GPC3: variants seen among roughly 807,000 people sequenced by gnomAD.
GPC3 encodes the protein glypican 3.
GPC3 carries 3 observed loss-of-function variants against 34.4 expected under a neutral mutation model. That is an observed-to-expected ratio of 0.09 (90% confidence interval 0.04 to 0.23). GPC3 has a LOEUF of 0.23. GPC3 is among the 10% of genes least tolerant of loss of function. The probability of loss-of-function intolerance (pLI) is 1.00; values close to 1 mark genes in which losing one functional copy is unlikely to be tolerated. For missense variants in GPC3, 351 were observed against 445.6 expected (o/e 0.79, Z 1.91); for synonymous variants, 177 against 174.0 (o/e 1.02, Z -0.13).
At chrX:133,555,711 C>T (rs910975247) in intron 7 of GPC3, among the ~76,000 whole-genome samples, 4 of 110,404 alleles carry the variant, frequency 3.6e-5, no homozygotes, top group Non-Finnish European at 7.6e-5. Flanking sequence ...ACCTGTAGTC[C>T]TAGCTACTTG....
intron 7 of GPC3, 177 bp downstream of exon 7, chrX:133,596,260 AAAG>A (rs1181748657): frequency 2.1e-6 from 1 of 467,453 alleles, no homozygotes; most frequent in Admixed American, 3.7e-5. Flanking sequence ...GGTGGGAGGA[AAAG>A]AAGGAGGCTA....
intron 6 of GPC3, among the ~76,000 whole-genome samples, chrX:133,640,763 G>A (rs1215579636): frequency 8.9e-6 from 1 of 112,093 alleles, no homozygotes; most frequent in Non-Finnish European, 1.9e-5. Context: ...TTCACACGTA[G>A]AACTATTTCA....
chrX:133,645,825 G>C, intron 6 of GPC3, among the ~76,000 whole-genome samples: 2 of 110,619 alleles, frequency 1.8e-5, no homozygotes, highest in Middle Eastern at 4.6e-3. Context: ...CTTAAATTAT[G>C]TGGAAGATGA....
rs190282664 is a variant in GPC3, at chrX:133,882,124, C to T, written c.337+70926G>A. The stretch of plus-strand genomic sequence containing the variant: ...ACTCTGGGCTCCTTTAGTCGGAGGA[C>T]CAAGGCTTCAAATGAGGGTCTTCCC... On this transcript the variant is annotated intron_variant, in intron 2 of 7. Transcript: ENST00000370818. 2.7e-5 allele frequency among the ~76,000 whole-genome samples: 3 copies of T among 111,765 alleles called. No individual in the cohort carries two copies. The East Asian group carries it at 8.5e-4, about 32-fold the overall frequency.
chrX:133,819,817 T>A (rs2075710459), intron 2 of GPC3, among the ~76,000 whole-genome samples: 1 of 111,889 alleles, frequency 8.9e-6, no homozygotes, highest in African/African-American at 3.3e-5. Flanking sequence ...GAGTTTGTTA[T>A]CTCCATTTTA....
chrX:133,829,979 C>T (rs752399635), intron 2 of GPC3, among the ~76,000 whole-genome samples: 5 of 112,246 alleles, frequency 4.5e-5, no homozygotes, highest in Admixed American at 9.4e-5. Context: ...AACACAATTC[C>T]TATCAAAATC....
intron 2 of GPC3, among the ~76,000 whole-genome samples, chrX:133,794,111 T>TCTTTAAAGCA (rs1266112667): frequency 1.8e-5 from 2 of 112,306 alleles, no homozygotes; most frequent in Non-Finnish European, 3.8e-5. Flanking sequence ...TTAAAGCACT[T>TCTTTAAAGCA]CTTTTTCCTT....
At chrX:133,736,434 T>C (rs1293403343) in intron 3 of GPC3, among the ~76,000 whole-genome samples, 4 of 112,149 alleles carry the variant, frequency 3.6e-5, no homozygotes, top group Non-Finnish European at 5.6e-5. Flanking sequence ...CAAATGTTCA[T>C]AGCAACACTA....
At chrX:133,849,160 C>T (rs1286988339) in intron 2 of GPC3, among the ~76,000 whole-genome samples, 19 of 95,211 alleles carry the variant, frequency 2.0e-4, no homozygotes, top group Non-Finnish European at 4.1e-5. Flanking sequence ...AGTGGCGCTA[C>T]CTCGGCTTAC....
At chrX:133,798,074 G>C (rs1409625746) in intron 2 of GPC3, among the ~76,000 whole-genome samples, 1 of 111,644 alleles carries the variant, frequency 9.0e-6, no homozygotes, top group African/African-American at 3.3e-5. Flanking sequence ...TAACACAAGT[G>C]AAAAAAGGTC....
chrX:133,764,414 A>T (rs749418657), intron 2 of GPC3, among the ~76,000 whole-genome samples: 15 of 111,887 alleles, frequency 1.3e-4, no homozygotes, highest in African/African-American at 4.9e-4. Flanking sequence ...TAAAAGCTGA[A>T]ATTAGAAAAA....
At chrX:133,875,871 C>T (rs1379382317) in intron 2 of GPC3, among the ~76,000 whole-genome samples, 4 of 111,474 alleles carry the variant, frequency 3.6e-5, no homozygotes, top group Non-Finnish European at 7.5e-5. Context: ...TCAGCAGATG[C>T]ACTCATTCAA....
chrX:133,576,360 C>T (rs1456917378), intron 7 of GPC3, among the ~76,000 whole-genome samples: 1 of 111,385 alleles, frequency 9.0e-6, no homozygotes, highest in Non-Finnish European at 1.9e-5. Flanking sequence ...TCTCGTGCCT[C>T]ATCCTCCTGA....
intron 3 of GPC3, among the ~76,000 whole-genome samples, chrX:133,740,443 A>G (rs955430414): frequency 8.9e-6 from 1 of 112,391 alleles, no homozygotes; most frequent in African/African-American, 3.2e-5. Flanking sequence ...TTTTAACCAG[A>G]GTAAGGACAT....
At chrX:133,696,961 C>A (rs938733310) in intron 4 of GPC3, among the ~76,000 whole-genome samples, 1 of 112,207 alleles carries the variant, frequency 8.9e-6, no homozygotes, top group Non-Finnish European at 1.9e-5. Flanking sequence ...CCCCTTTGCA[C>A]GCATGAGCCA....
chrX:133,832,413 A>G (rs1024528308), intron 2 of GPC3, among the ~76,000 whole-genome samples: 1 of 109,518 alleles, frequency 9.1e-6, no homozygotes, highest in Non-Finnish European at 1.9e-5. Context: ...TTCTATGGCT[A>G]CTAGATCTTT....
At chrX:133,650,501 G>A (rs1293231624) in intron 6 of GPC3, among the ~76,000 whole-genome samples, 3 of 108,382 alleles carry the variant, frequency 2.8e-5, no homozygotes, top group Middle Eastern at 4.3e-3. Flanking sequence ...ATAAAAAATC[G>A]TCTTCATTTT....
intron 7 of GPC3, among the ~76,000 whole-genome samples, chrX:133,586,125 C>T (rs1380438127): frequency 9.0e-6 from 1 of 111,696 alleles, no homozygotes; most frequent in Non-Finnish European, 1.9e-5. Flanking sequence ...GAAACAAACT[C>T]CCTAAGGTAT....
At chrX:133,592,650 T>C (rs1314622030) in intron 7 of GPC3, among the ~76,000 whole-genome samples, 1 of 111,378 alleles carries the variant, frequency 9.0e-6, no homozygotes, top group Non-Finnish European at 1.9e-5. Flanking sequence ...GCAGAATTCA[T>C]TTTAGTAATG....
Sources: gnomAD v4.1 joint callset for allele counts (sites outside exome capture counted in the v4.1 genomes callset) on GRCh38, gnomAD v4.1.1 for gene constraint, MANE v1.5 for transcripts, NCBI Gene and HGNC (gene_info 2026-07-23, HGNC 2026-07-21) for gene names.